ADAMTS16: variants seen among roughly 807,000 people sequenced by gnomAD.
ADAMTS16 encodes ADAM metallopeptidase with thrombospondin type 1 motif 16.
A neutral mutation model predicts 145.8 loss-of-function variants in ADAMTS16; 94 were observed. The observed-to-expected ratio is 0.64, with a 90% confidence interval of 0.55 to 0.77. The LOEUF (loss-of-function observed/expected upper bound fraction) is 0.77, where lower values mean the gene tolerates loss of function less well. Among genes scored for constraint, ADAMTS16 ranks in the 30% least tolerant of loss-of-function variants. The pLI, the probability that ADAMTS16 is intolerant of heterozygous loss-of-function variation, is 0.00. For synonymous variants in ADAMTS16, 659 were observed against 604.3 expected (o/e 1.09, Z -1.33); for missense variants, 1,585 against 1,591.5 (o/e 1.00, Z 0.07).
At chr5:5,191,857 TA>T (rs1735670650) in intron 8 of ADAMTS16, 67 bp downstream of exon 8, 2 of 1,198,138 alleles carry the variant, frequency 1.7e-6, no homozygotes, top group African/African-American at 3.0e-5. Flanking sequence ...TCCATGGAAA[TA>T]TTGACTCATC....
intron 17 of ADAMTS16, among the ~76,000 whole-genome samples, chr5:5,257,881 G>A (rs1056488563): frequency 1.3e-5 from 2 of 152,092 alleles, no homozygotes; most frequent in Non-Finnish European, 2.9e-5. Flanking sequence ...TGCCTACAAA[G>A]TCAGGGGTTC....
In ADAMTS16 at chr5:5,200,164, T is replaced by A. The variant is rs1290083512; in HGVS notation, c.1346T>A (p.Met449Lys). The A allele has an allele frequency of 6.2e-7, 1 of 1,613,598 alleles. No homozygotes were observed. Among genetic ancestry groups the A allele is most frequent in the Non-Finnish European group, 8.5e-7 (1 of 1,179,786 alleles). ...ATGATTCATGATGGAGAAGGGAACA[T>A]GTGCAAAAAGTCCGAGGGCAACATC... is the stretch of plus-strand genomic sequence containing the variant. Reference protein sequence around the residue: ...FGMIHDGEGNMCKKSEGNIMS... With the variant: ...FGMIHDGEGNKCKKSEGNIMS... The change falls in exon 9 of 23, where the codon ATG (methionine) becomes AAG (lysine). Residue 449 changes from methionine (M) to lysine (K), a missense_variant. Physicochemically the swap from Met to Lys is moderately conservative, Grantham distance 95. Around this residue, in one of 3 missense-constraint regions of ADAMTS16, gnomAD observed 298 missense variants for 367.6 expected, o/e 0.81. Transcript: ENST00000274181.
rs756585961 is a variant in ADAMTS16, at chr5:5,181,919, G to A, written c.502-125G>A. 34 of 1,100,846 alleles carry A rather than the reference G, an allele frequency of 3.1e-5. 1 individual carries two copies. In the Middle Eastern group the frequency reaches 6.4e-4, roughly 21 times the overall value. 68.2% of individuals were successfully genotyped at this position (1,100,846 alleles called of 1,614,324 possible). A position where few individuals can be genotyped will look rare whatever the true frequency, so the allele number is the denominator to read the frequency against. On this transcript the variant is annotated intron_variant, in intron 3 of 22. Transcript: ENST00000274181. ...GGGTTTTTGAACCTTTCCAATGTTC[G>A]CTCTCACTGGAGGGAACAGCATGCT...
intron 10 of ADAMTS16, among the ~76,000 whole-genome samples, chr5:5,214,619 G>T (rs374757124): frequency 6.6e-6 from 1 of 152,100 alleles, no homozygotes. Context: ...GGCCAGGCTA[G>T]TCTGGAATTC....
intron 21 of ADAMTS16, among the ~76,000 whole-genome samples, chr5:5,315,806 G>C: frequency 6.6e-6 from 1 of 152,088 alleles, no homozygotes; most frequent in Non-Finnish European, 1.5e-5. Context: ...GAAATCAAAC[G>C]TGAATCTCCC....
intron 3 of ADAMTS16, 73 bp downstream of exon 3, chr5:5,146,528 T>C (rs1734302168): frequency 1.4e-6 from 2 of 1,421,260 alleles, no homozygotes; most frequent in Admixed American, 2.1e-5. Context: ...ACCAGGACTT[T>C]CCCTCGATTT....
intron 18 of ADAMTS16, among the ~76,000 whole-genome samples, chr5:5,293,012 A>G (rs1322151621): frequency 6.6e-6 from 1 of 152,182 alleles, no homozygotes; most frequent in African/African-American, 2.4e-5. Flanking sequence ...CAGGCAGTGC[A>G]TCTCATGGGA....
rs760052054 is a variant in ADAMTS16 at position 5,140,786 on chromosome 5, G to A, written c.175+20G>A. On this transcript the variant is annotated intron_variant, in intron 2 of 22. Transcript: ENST00000274181. ...AGGGCGGTAAGTCCGTGAGGTGGGG[G>A]CTTCTAATCCTTGCCATTTAGCAGC... 8 of 1,537,958 alleles carry A rather than the reference G, an allele frequency of 5.2e-6. 1 individual carries two copies. The South Asian group carries it at 6.0e-5, about 11-fold the overall frequency.
At chr5:5,302,130 GC>G (rs1739806449) in intron 18 of ADAMTS16, among the ~76,000 whole-genome samples, 1 of 152,120 alleles carries the variant, frequency 6.6e-6, no homozygotes, top group Non-Finnish European at 1.5e-5. Context: ...TGCACACCAA[GC>G]CCTCCTGCAG....
At chr5:5,315,084 C>A (rs943885778) in intron 21 of ADAMTS16, among the ~76,000 whole-genome samples, 4 of 152,108 alleles carry the variant, frequency 2.6e-5, no homozygotes, top group Non-Finnish European at 4.4e-5. Flanking sequence ...GGAGAGGCCT[C>A]AGGAAACTTA....
At chr5:5,208,461 T>C (rs1487603219) in intron 9 of ADAMTS16, among the ~76,000 whole-genome samples, 5 of 152,220 alleles carry the variant, frequency 3.3e-5, no homozygotes, top group Admixed American at 2.0e-4. Context: ...GGATAATCTA[T>C]TTATGGAAAA....
intron 3 of ADAMTS16, among the ~76,000 whole-genome samples, chr5:5,147,558 A>G (rs2126505572): frequency 6.6e-6 from 1 of 152,252 alleles, no homozygotes; most frequent in East Asian, 2.0e-4. Context: ...GAAATTTGAT[A>G]TGAGTTGATC....
intron 3 of ADAMTS16, among the ~76,000 whole-genome samples, chr5:5,155,918 G>C (rs576158919): frequency 7.2e-5 from 11 of 152,240 alleles, no homozygotes; most frequent in African/African-American, 2.6e-4. Flanking sequence ...GGATGGACAG[G>C]AGGTCCACAG....
intron 3 of ADAMTS16, among the ~76,000 whole-genome samples, chr5:5,157,441 A>T (rs1467163633): frequency 2.0e-5 from 3 of 152,136 alleles, no homozygotes; most frequent in Admixed American, 6.5e-5. Flanking sequence ...ATCACTCCCT[A>T]GCTTTATATA....
At chr5:5,144,090 C>T (rs1039608948) in intron 2 of ADAMTS16, among the ~76,000 whole-genome samples, 1 of 150,864 alleles carries the variant, frequency 6.6e-6, no homozygotes, top group South Asian at 2.1e-4. Context: ...CAAACCTGTA[C>T]GTTCTACACA....
At chr5:5,216,477 G>C (rs190743464) in intron 10 of ADAMTS16, among the ~76,000 whole-genome samples, 2 of 151,896 alleles carry the variant, frequency 1.3e-5, no homozygotes, top group African/African-American at 2.4e-5. Flanking sequence ...ACTGTGGATT[G>C]TCTGTTTACT....
Position 5,199,600 on chromosome 5 carries a change from T to A in ADAMTS16, c.1314-532T>A, listed in dbSNP as rs571187969. 5.9e-5 allele frequency among the ~76,000 whole-genome samples: 9 copies of A among 152,322 alleles called. No individual in the cohort carries two copies. In the South Asian group the frequency reaches 1.7e-3, roughly 28 times the overall value. On this transcript the variant is annotated intron_variant, in intron 8 of 22. Transcript: ENST00000274181. ...TCCCCAGGTAGGGGTAGAGACAGAA[T>A]GTCAGCCCACCATTAGTTGCAGTAG...
intron 12 of ADAMTS16, among the ~76,000 whole-genome samples, chr5:5,233,433 C>T (rs1329494817): frequency 2.0e-5 from 3 of 152,160 alleles, no homozygotes; most frequent in Admixed American, 1.3e-4. Flanking sequence ...ATTATTTCAT[C>T]GCCCAGGTAT....
chr5:5,182,841 C>T (rs34799694), intron 4 of ADAMTS16, among the ~76,000 whole-genome samples: 27,658 of 152,054 alleles, frequency 0.18, 2,819 homozygotes, highest in Non-Finnish European at 0.23. Context: ...ATGTAGAAAC[C>T]TCTCAGAAAT....
Sources: gnomAD v4.1 joint callset for allele counts (sites outside exome capture counted in the v4.1 genomes callset) on GRCh38, gnomAD v4.1.1 for gene constraint, gnomAD v4.1.1 regional missense constraint, MANE v1.5 for transcripts, NCBI Gene and HGNC (gene_info 2026-07-23, HGNC 2026-07-21) for gene names.